Variants in RFX3 observed in about 807,000 individuals in gnomAD.
The protein encoded by RFX3 is transcription factor RFX3.
A neutral mutation model predicts 98.6 loss-of-function variants in RFX3; 14 were observed. The ratio of observed to expected loss-of-function variants is 0.14; its 90% CI spans 0.09 to 0.22. The LOEUF is 0.22. Among genes scored for constraint, RFX3 ranks in the 10% least tolerant of loss-of-function variants. The pLI, the probability that RFX3 is intolerant of heterozygous loss-of-function variation, is 1.00. For synonymous variants in RFX3, 383 were observed against 328.4 expected, an observed-to-expected ratio of 1.17 and a Z score of -1.80; for missense variants, 639 against 926.9, an observed-to-expected ratio of 0.69 and a Z score of 4.03.
At chr9:3,524,348 A>G (rs975128056) in intron 1 of RFX3, 1 of 185,050 alleles carries the variant, frequency 5.4e-6, no homozygotes, top group Non-Finnish European at 1.0e-5. Context: ...AGAAATACTT[A>G]AAAAGGAAAA....
At chr9:3,346,849 C>A in intron 2 of RFX3, 85 bp from the exon 3 acceptor site, 1 of 800,780 alleles carries the variant, frequency 1.2e-6, no homozygotes, top group South Asian at 1.5e-5. Flanking sequence ...AAGGTTTATC[C>A]GGTATTATTG....
chr9:3,311,323 A>C (rs1419903348), intron 4 of RFX3, among the ~76,000 whole-genome samples: 3 of 152,212 alleles, frequency 2.0e-5, no homozygotes, highest in Non-Finnish European at 2.9e-5. Context: ...CAGGTAAGAC[A>C]GAACATTTCT....
intron 2 of RFX3, among the ~76,000 whole-genome samples, chr9:3,374,102 A>G (rs1838176904): frequency 1.3e-5 from 2 of 151,778 alleles, no homozygotes; most frequent in Non-Finnish European, 2.9e-5. Context: ...GCACACACAC[A>G]CACACACACA....
At chr9:3,322,849 G>A (rs551487671) in intron 4 of RFX3, among the ~76,000 whole-genome samples, 10 of 152,060 alleles carry the variant, frequency 6.6e-5, no homozygotes, top group Non-Finnish European at 1.5e-4. Context: ...TACAAGTTCT[G>A]ACCTCTTTAC....
intron 1 of RFX3, among the ~76,000 whole-genome samples, chr9:3,514,155 C>A (rs1305560810): frequency 1.3e-5 from 2 of 152,154 alleles, no homozygotes; most frequent in African/African-American, 4.8e-5. Flanking sequence ...ACACGAAGGT[C>A]ATTCAAAGAA....
At chr9:3,400,128 C>T (rs956582199) in intron 1 of RFX3, 2 of 375,364 alleles carry the variant, frequency 5.3e-6, no homozygotes, top group African/African-American at 2.2e-5. Flanking sequence ...TATGATTTTC[C>T]TTATTTTAAA....
intron 2 of RFX3, among the ~76,000 whole-genome samples, chr9:3,353,211 G>A (rs542476106): frequency 6.9e-6 from 1 of 145,146 alleles, no homozygotes; most frequent in African/African-American, 2.5e-5. Flanking sequence ...GTAGGGGGAG[G>A]GGGGAGGGAT....
At position 3,221,217 on chromosome 9, in the gene RFX3, G is replaced by A. The variant is rs1267426027; in HGVS notation, c.*3825C>T. On this transcript the variant is annotated 3_prime_UTR_variant, in exon 17 of 17. Transcript: ENST00000617270. ...TTTTCCTTTTACACTAATGTTTCAAGCACAGCATTATTTTAGACATTTCAA... is the reference window on the plus strand; with the variant it reads ...TTTTCCTTTTACACTAATGTTTCAAACACAGCATTATTTTAGACATTTCAA... The A allele has an allele frequency of 6.6e-6, 1 of 151,744 alleles. No individual in the cohort carries two copies. The highest frequency in any genetic ancestry group is 2.4e-5 in the African/African-American group (1 of 41,278). The allele number at this position is 151,744 out of a possible 1,614,324, so 9.4% of individuals were successfully genotyped here.
intron 2 of RFX3, among the ~76,000 whole-genome samples, chr9:3,365,982 G>A (rs1837019114): frequency 1.3e-5 from 2 of 152,006 alleles, no homozygotes; most frequent in Middle Eastern, 3.4e-3. Context: ...CTGTCTGTGT[G>A]GCAGTCAGTG....
At chr9:3,328,169 C>T (rs1258819968) in intron 4 of RFX3, among the ~76,000 whole-genome samples, 2 of 151,940 alleles carry the variant, frequency 1.3e-5, no homozygotes, top group Non-Finnish European at 2.9e-5. Flanking sequence ...GTAAATTTTG[C>T]CCCGTTTTTC....
In RFX3 at chr9:3,244,055, G is replaced by C. The variant is rs1432817148; in HGVS notation, c.1968+3977C>G. On this transcript the variant is annotated intron_variant, in intron 15 of 16. Coordinates refer to ENST00000617270, the MANE Select transcript of RFX3 (RefSeq NM_001282116.2). ...CCCGCTTTGTCGCCCAGGCTGGAGT[G>C]CAGTGGCGTGACCTTGTCTCACTGC... Among the ~76,000 whole-genome samples the C allele has an allele frequency of 2.0e-5, 3 of 150,026 alleles. No homozygotes were observed. In the East Asian group the frequency reaches 5.9e-4, roughly 29 times the overall value.
At chr9:3,270,303 C>A in intron 11 of RFX3, 68 bp downstream of exon 11, 3 of 1,460,064 alleles carry the variant, frequency 2.1e-6, no homozygotes, top group Non-Finnish European at 1.9e-6. Flanking sequence ...TGCAATGTCA[C>A]TTCTCAAAAC....
chr9:3,420,813 T>G (rs1843377410), intron 1 of RFX3: 1 of 985,214 alleles, frequency 1.0e-6, no homozygotes, highest in Non-Finnish European at 1.2e-6. Context: ...GTTCTTTTCT[T>G]CAGATGATCC....
intron 13 of RFX3, among the ~76,000 whole-genome samples, chr9:3,261,117 ATGT>A (rs1231869568): frequency 6.6e-6 from 1 of 152,038 alleles, no homozygotes; most frequent in Non-Finnish European, 1.5e-5. Flanking sequence ...AACAACAGTA[ATGT>A]TTTTTAACAG....
intron 4 of RFX3, among the ~76,000 whole-genome samples, chr9:3,311,452 A>G (rs1829951056): frequency 6.6e-6 from 1 of 152,254 alleles, no homozygotes; most frequent in Non-Finnish European, 1.5e-5. Context: ...GGTACATCCT[A>G]TAGGAAGCCA....
At chr9:3,400,960 T>C (rs1408945577) in intron 1 of RFX3, among the ~76,000 whole-genome samples, 2 of 152,188 alleles carry the variant, frequency 1.3e-5, no homozygotes, top group African/African-American at 4.8e-5. Flanking sequence ...TGTCAACCAG[T>C]ACATACACTG....
Position 3,219,732 on chromosome 9 carries a change from GAA to G in RFX3, c.*5308_*5309del, listed in dbSNP as rs1477043446. ...GTAAATCATCATGAAGAATTCAAAA[GAA>G]GAGAGTTAAATTAAAACCCTTTGAG... is the stretch of plus-strand genomic sequence containing the variant. On this transcript the variant is annotated 3_prime_UTR_variant, in exon 17 of 17. Transcript: ENST00000617270. The G allele has an allele frequency of 6.6e-6, 1 of 152,122 alleles. No homozygotes were observed. Among genetic ancestry groups the G allele is most frequent in the Non-Finnish European group, 1.5e-5 (1 of 67,996 alleles). 9.4% of individuals were successfully genotyped at this position (152,122 alleles called of 1,614,324 possible). A position where few individuals can be genotyped will look rare whatever the true frequency, so the allele number is the denominator to read the frequency against.
intron 1 of RFX3, among the ~76,000 whole-genome samples, chr9:3,524,165 G>A (rs1362678168): frequency 6.6e-6 from 1 of 152,054 alleles, no homozygotes; most frequent in South Asian, 2.1e-4. Flanking sequence ...CATTATATTT[G>A]TTTTAGCACA....
intron 2 of RFX3, among the ~76,000 whole-genome samples, chr9:3,356,553 G>A (rs1835797185): frequency 1.3e-5 from 2 of 151,650 alleles, no homozygotes; most frequent in Admixed American, 1.3e-4. Context: ...AACATGTCAA[G>A]AAGAAAAAAA....
Sources: allele counts gnomAD v4.1 joint callset (sites outside exome capture counted in the v4.1 genomes callset), GRCh38; gene constraint gnomAD v4.1.1; transcripts MANE v1.5; gene names NCBI Gene and HGNC (gene_info 2026-07-23, HGNC 2026-07-21).